The following PCNX3 variants were observed in gnomAD, a reference collection of about 807,000 sequenced individuals.
PCNX3 encodes pecanex-like protein 3.
In PCNX3, 58 loss-of-function variants were observed where a neutral mutation model predicts 207.2. The ratio of observed to expected loss-of-function variants is 0.28; its 90% confidence interval spans 0.23 to 0.35. PCNX3 has a LOEUF of 0.35. Ranked by LOEUF, PCNX3 falls within the 10% of genes least tolerant of loss-of-function variation. The pLI, the probability that PCNX3 is intolerant of heterozygous loss-of-function variation, is 1.00. For synonymous variants in PCNX3, 1,337 were observed against 1,183.5 expected, an observed-to-expected ratio of 1.13 and a Z score of -2.66; for missense variants, 2,410 against 2,774.4, an observed-to-expected ratio of 0.87 and a Z score of 2.95.
chr11:65,629,803 A>T (rs1855547393), intron 26 of PCNX3, 68 bp downstream of exon 26: 1 of 1,496,970 alleles, frequency 6.7e-7, no homozygotes, highest in Non-Finnish European at 9.0e-7. Flanking sequence ...TGTGTTCAAT[A>T]GCACGTGCGA....
rs962662958 is a variant in PCNX3 at position 65,637,201 on chromosome 11, G to A, written c.*223G>A. ...GGCCTGGGCTCCCCAGATGGAGGCA[G>A]TCAGCCTCCCAGCCAGGCCCTAAGA... On this transcript the variant is annotated 3_prime_UTR_variant, in exon 35 of 35. Coordinates refer to ENST00000355703, the MANE Select transcript of PCNX3 (RefSeq NM_032223.4). The A allele has an allele frequency of 1.0e-5, 6 of 578,418 alleles. No individual in the cohort carries two copies. The highest frequency in any genetic ancestry group is 7.5e-5 in the African/African-American group (4 of 53,478). The allele number at this position is 578,418 out of a possible 1,614,324, so 35.8% of individuals were successfully genotyped here.
At position 65,630,387 on chromosome 11, in the gene PCNX3, C is replaced by T; in HGVS notation, c.4253C>T (p.Thr1418Ile). ...YCQQREVEAI[T>I]EGVEEDEGCC... ...CAGCAGCGCGAGGTGGAGGCTATCA[C>T]CGAGGGTGTGGAGGAGGACGAGGGC... is the stretch of plus-strand genomic sequence containing the variant. Residue 1418 changes from threonine to isoleucine, a missense_variant, in exon 27 of 35, where the codon ACC (threonine) becomes ATC (isoleucine). Physicochemically the swap from Thr to Ile is moderately conservative, Grantham distance 89. This residue lies in a region of PCNX3 where 420 missense variants were observed against 705.3 expected (regional missense o/e 0.60). Transcript: ENST00000355703. The T allele has an allele frequency of 6.2e-7, 1 of 1,613,398 alleles. No individual in the cohort carries two copies.
At chr11:65,627,234 C>T (rs1023343307) in intron 21 of PCNX3, among the ~76,000 whole-genome samples, 171 bp from the exon 22 acceptor site, 1 of 152,192 alleles carries the variant, frequency 6.6e-6, no homozygotes, top group South Asian at 2.1e-4. Context: ...GTTCCCACCA[C>T]TCCCTTTGGA....
chr11:65,621,820 T>C (rs1457580883), intron 10 of PCNX3, among the ~76,000 whole-genome samples: 1 of 152,244 alleles, frequency 6.6e-6, no homozygotes, highest in Admixed American at 6.5e-5. Flanking sequence ...TCCTCAAGGC[T>C]GAGCCCTGCA....
At position 65,615,993 on chromosome 11, in the gene PCNX3, G is replaced by C; in HGVS notation, c.-319G>C. Reference sequence around the variant, plus strand: ...CCCACGACCACCTCTGGATGCCGCCGACGGGTACCCGGCCCGTGCCCCGCG... The same window carrying C: ...CCCACGACCACCTCTGGATGCCGCCCACGGGTACCCGGCCCGTGCCCCGCG... On this transcript the variant is annotated 5_prime_UTR_variant, in exon 1 of 35. Coordinates refer to ENST00000355703, the MANE Select transcript of PCNX3 (RefSeq NM_032223.4). The C allele has an allele frequency of 5.0e-6, 1 of 199,798 alleles. No individual in the cohort carries two copies. The highest frequency in any genetic ancestry group is 1.0e-5 in the Non-Finnish European group (1 of 99,584). The allele number at this position is 199,798 out of a possible 1,614,324, so 12.4% of individuals were successfully genotyped here.
Position 65,625,980 on chromosome 11 carries a change from G to A in PCNX3, c.3305G>A (p.Arg1102His). Residue 1102 changes from arginine to histidine, a missense_variant, in exon 20 of 35, where the codon CGC becomes CAC. This residue lies in a region of PCNX3 where 333 missense variants were observed against 386.8 expected (regional missense o/e 0.86). Transcript: ENST00000355703. This position sits in a 1 kb window ranked among gnomAD's most constrained non-coding sequence, Gnocchi z 5.6. ...FFTHYLLPQL[R>H]KQLPWFCLSQ... ...ACACATTACCTGCTGCCACAACTCC[G>A]CAAACAGCTGCCCTGGTTCTGCCTG... 1 of 1,613,732 alleles carries A rather than the reference G, an allele frequency of 6.2e-7. No homozygotes were observed.
chr11:65,622,956 A>G (rs893760682), intron 11 of PCNX3, among the ~76,000 whole-genome samples: 11 of 152,082 alleles, frequency 7.2e-5, no homozygotes, highest in African/African-American at 2.7e-4. Flanking sequence ...CGAGTGCTGT[A>G]ACCTAGAAAA....
intron 11 of PCNX3, 21 bp from the exon 12 acceptor site, chr11:65,623,470 C>T (rs773034477): frequency 1.5e-5 from 23 of 1,577,580 alleles, no homozygotes; most frequent in Non-Finnish European, 1.9e-5. Flanking sequence ...CGGGCACGCC[C>T]TGACTAGGCT....
chr11:65,621,051 C>T (rs1045586268), intron 10 of PCNX3, 85 bp downstream of exon 10: 7 of 1,449,252 alleles, frequency 4.8e-6, no homozygotes, highest in Non-Finnish European at 6.4e-6. Context: ...AGAGAGCTTG[C>T]CCAGGTGCCC....
chr11:65,627,256 T>TA, intron 21 of PCNX3, 149 bp from the exon 22 acceptor site: 2 of 1,139,088 alleles, frequency 1.8e-6, no homozygotes, highest in Non-Finnish European at 2.4e-6. Flanking sequence ...GAGCAGAGAC[T>TA]AAGAGTCACG....
In PCNX3 at chr11:65,618,126, C is replaced by T. The variant is rs745364669; in HGVS notation, c.764C>T (p.Thr255Ile). 6.2e-7 allele frequency: 1 copy of T among 1,610,928 alleles called. No individual in the cohort carries two copies. The highest frequency in any genetic ancestry group is 8.5e-7 in the Non-Finnish European group (1 of 1,178,806). ...LSQELSKSFL[T>I]LTQPDRALVR... is the part of the protein sequence containing the mutation. Reference sequence around the variant, plus strand: ...CAGGAGCTGAGCAAGAGCTTCCTGACCCTGACCCAGCCTGACCGGGCCCTG... The same window carrying T: ...CAGGAGCTGAGCAAGAGCTTCCTGATCCTGACCCAGCCTGACCGGGCCCTG... The change falls in exon 6 of 35, where the codon ACC becomes ATC. Residue 255 changes from threonine (T) to isoleucine (I), a missense_variant. This residue lies in a region of PCNX3 where 1,104 missense variants were observed against 970.3 expected (regional missense o/e 1.14). Transcript: ENST00000355703.
intron 10 of PCNX3, among the ~76,000 whole-genome samples, chr11:65,621,313 C>T (rs993928776): frequency 2.6e-5 from 4 of 151,510 alleles, no homozygotes; most frequent in African/African-American, 9.8e-5. Context: ...GACTGTGCTG[C>T]CCTGCATACA....
rs1276785916 is a variant in PCNX3, at chr11:65,622,251, A to G, written c.2242A>G (p.Thr748Ala). 6.2e-7 allele frequency: 1 copy of G among 1,604,370 alleles called. No homozygotes were observed. The change falls in exon 11 of 35, where the codon ACA becomes GCA. Residue 748 changes from threonine (T) to alanine (A), a missense_variant. Coordinates refer to ENST00000355703, the MANE Select transcript of PCNX3 (RefSeq NM_032223.4). Reference sequence around the variant, plus strand: ...CTCCCTGCACGAATCCCAGGAGCAGACACTGATGGAAGAAGCGCCACCCCG... The same window carrying G: ...CTCCCTGCACGAATCCCAGGAGCAGGCACTGATGGAAGAAGCGCCACCCCG... ...RVPLEIPEEQ[T>A]LMEEAPPRAQ...
chr11:65,616,931 G>A lies in PCNX3; in HGVS notation c.261G>A (p.Gln87=). The change falls in exon 2 of 35, where the codon CAG becomes CAA. Residue 87 remains glutamine (Q), a synonymous_variant. Transcript: ENST00000355703. ...ATCGGCTTCATGCCATGTTTGACCA[G>A]GGCGAGATCGTGGAGAAGCGCAGCT... is the stretch of plus-strand genomic sequence containing the variant. ...VNYRLHAMFD[Q]GEIVEKRSST... 6.2e-7 allele frequency: 1 copy of A among 1,613,508 alleles called. No individual in the cohort carries two copies. The highest frequency in any genetic ancestry group is 8.5e-7 in the Non-Finnish European group (1 of 1,179,864).
At position 65,628,975 on chromosome 11, in the gene PCNX3, G is replaced by GTCT. The variant is rs1565167464; in HGVS notation, c.3941+27_3941+28insTCT. 5.6e-6 allele frequency: 9 copies of GTCT among 1,607,578 alleles called. 1 individual carries two copies. The South Asian group carries it at 9.9e-5, about 18-fold the overall frequency. On this transcript the variant is annotated intron_variant, in intron 24 of 34. Transcript: ENST00000355703. ...TGAGTCTCACAGGAGGCGGGAGCAT[G>GTCT]CCCAGCAGGGCAGGAAGGGAGAGGT...
Position 65,632,528 on chromosome 11 carries a change from G to A in PCNX3, c.4471-1598G>A, listed in dbSNP as rs945392107. On this transcript the variant is annotated intron_variant, in intron 27 of 34. Coordinates refer to ENST00000355703, the MANE Select transcript of PCNX3 (RefSeq NM_032223.4). ...AAGGCACCGTGGCTTGAGGCTGCAC[G>A]GAGTCTGGGCAGTGCTTCCCGGGAA... is the stretch of plus-strand genomic sequence containing the variant. Among the ~76,000 whole-genome samples, 9 of 140,446 alleles carry A rather than the reference G, an allele frequency of 6.4e-5. No homozygotes were observed. In the South Asian group the frequency reaches 1.3e-3, roughly 20 times the overall value. The allele number at this position is 140,446 out of a possible 152,430, so 92.1% of individuals were successfully genotyped here. A position where few individuals can be genotyped will look rare whatever the true frequency, so the allele number is the denominator to read the frequency against.
intron 27 of PCNX3, among the ~76,000 whole-genome samples, chr11:65,633,186 T>C (rs1384115680): frequency 6.6e-6 from 1 of 152,190 alleles, no homozygotes; most frequent in Non-Finnish European, 1.5e-5. Flanking sequence ...GGGTGGCACA[T>C]GGAATCCCCA....
chr11:65,618,766 G>A lies in PCNX3; in HGVS notation c.1404G>A (p.Arg468=), dbSNP rs200391439. 32 of 1,611,616 alleles carry A rather than the reference G, an allele frequency of 2.0e-5. No individual in the cohort carries two copies. The East Asian group carries it at 7.1e-4, about 36-fold the overall frequency. The stretch of plus-strand genomic sequence containing the variant: ...GTGCAGCAGGGGGACCCCGGAAGCG[G>A]AGGGCCCCCCATGGGGCTGAGGAGG... ...SRGAAGGPRK[R]RAPHGAEEGT... Residue 468 remains arginine, a synonymous_variant, in exon 6 of 35, where the codon CGG becomes CGA. Coordinates refer to ENST00000355703, the MANE Select transcript of PCNX3 (RefSeq NM_032223.4).
Position 65,616,033 on chromosome 11 carries a change from C to T in PCNX3, c.-279C>T. The T allele has an allele frequency of 3.9e-6, 1 of 258,584 alleles. No homozygotes were observed. The highest frequency in any genetic ancestry group is 7.3e-6 in the Non-Finnish European group (1 of 137,122). 16.0% of individuals were successfully genotyped at this position (258,584 alleles called of 1,614,324 possible). On this transcript the variant is annotated 5_prime_UTR_variant, in exon 1 of 35. Transcript: ENST00000355703. Reference sequence around the variant, plus strand: ...CGTGCCCCGCGCCTGCCTGCCGGCTCGGCCCCTCGGAGCAATTCTGGGCCA... The same window carrying T: ...CGTGCCCCGCGCCTGCCTGCCGGCTTGGCCCCTCGGAGCAATTCTGGGCCA...
Sources: allele counts gnomAD v4.1 joint callset (sites outside exome capture counted in the v4.1 genomes callset), GRCh38; gene constraint gnomAD v4.1.1; regional missense constraint gnomAD v4.1.1; non-coding constraint Gnocchi (gnomAD v3.1); transcripts MANE v1.5; gene names NCBI Gene and HGNC (gene_info 2026-07-23, HGNC 2026-07-21).